ANKIB1: variants seen among roughly 807,000 people sequenced by gnomAD.
The protein encoded by ANKIB1 is ankyrin repeat and IBR domain-containing protein 1.
In ANKIB1, 43 loss-of-function variants were observed where a neutral mutation model predicts 122.1. That is an observed-to-expected ratio of 0.35 (90% CI 0.28 to 0.45). ANKIB1 has a LOEUF of 0.45. ANKIB1 is among the 20% of genes least tolerant of loss of function. The pLI, the probability that ANKIB1 is intolerant of heterozygous loss-of-function variation, is 1.00. For synonymous variants in ANKIB1, 390 were observed against 442.0 expected, an observed-to-expected ratio of 0.88 and a Z score of 1.48; for missense variants, 992 against 1,329.5, an observed-to-expected ratio of 0.75 and a Z score of 3.95.
At chr7:92,290,837 A>G (rs555509855) in intron 1 of ANKIB1, among the ~76,000 whole-genome samples, 2 of 152,246 alleles carry the variant, frequency 1.3e-5, no homozygotes, top group African/African-American at 4.8e-5. Context: ...AGCCATGGAG[A>G]TAGAAAGTAG....
intron 1 of ANKIB1, among the ~76,000 whole-genome samples, chr7:92,284,424 T>C (rs1802074474): frequency 6.6e-6 from 1 of 152,212 alleles, no homozygotes; most frequent in African/African-American, 2.4e-5. Context: ...TCAAGTCCAT[T>C]TTCTGAGTGA....
Position 92,371,459 on chromosome 7 carries a change from G to A in ANKIB1, c.1487-18G>A. ...CACTAAATCATTTATTTTTGTGATTGTGTTTAATATCCCAAAGTTGTGGGA... is the reference window on the plus strand; with the variant it reads ...CACTAAATCATTTATTTTTGTGATTATGTTTAATATCCCAAAGTTGTGGGA... On this transcript the variant is annotated intron_variant, in intron 10 of 19. Coordinates refer to ENST00000265742, the MANE Select transcript of ANKIB1 (RefSeq NM_019004.2). The A allele has an allele frequency of 3.8e-6, 6 of 1,593,084 alleles. 1 individual carries two copies. The African/African-American group carries it at 5.4e-5, about 14-fold the overall frequency.
At chr7:92,287,390 A>G (rs1802152526) in intron 1 of ANKIB1, among the ~76,000 whole-genome samples, 4 of 152,172 alleles carry the variant, frequency 2.6e-5, no homozygotes, top group Admixed American at 2.0e-4. Flanking sequence ...CTAGCCAGTT[A>G]TTTGTAGAAC....
At chr7:92,297,553 G>A (rs1267874424) in intron 2 of ANKIB1, among the ~76,000 whole-genome samples, 1 of 152,016 alleles carries the variant, frequency 6.6e-6, no homozygotes, top group Non-Finnish European at 1.5e-5. Flanking sequence ...ATGCTGCTAA[G>A]TTCACTAAGT....
In ANKIB1 at chr7:92,294,900, T is replaced by A; in HGVS notation, c.-79T>A. 1 of 972,134 alleles carries A rather than the reference T, an allele frequency of 1.0e-6. No individual in the cohort carries two copies. Among genetic ancestry groups the A allele is most frequent in the Non-Finnish European group, 1.5e-6 (1 of 683,562 alleles). The allele number at this position is 972,134 out of a possible 1,614,324, so 60.2% of individuals were successfully genotyped here. ...TTTTCCTTCATTAGAATGTGAAAGA[T>A]GTTGCAGAAGTGTTCCAGAAGTGGC... On this transcript the variant is annotated 5_prime_UTR_variant, in exon 2 of 20. It removes an upstream start codon present in the reference 5' UTR. Coordinates refer to ENST00000265742, the MANE Select transcript of ANKIB1 (RefSeq NM_019004.2).
intron 5 of ANKIB1, among the ~76,000 whole-genome samples, chr7:92,340,413 A>G (rs1011597212): frequency 6.6e-6 from 1 of 152,228 alleles, no homozygotes; most frequent in African/African-American, 2.4e-5. Flanking sequence ...AATCCAATTT[A>G]CAGTATTTGG....
intron 5 of ANKIB1, among the ~76,000 whole-genome samples, chr7:92,338,936 ATATATATATATATAT>A (rs1803366222): frequency 1.3e-4 from 3 of 22,448 alleles, no homozygotes; most frequent in South Asian, 1.6e-3. Flanking sequence ...AAAAAAAAAT[ATATATATATATATAT>A]ATATATATAT....
intron 2 of ANKIB1, among the ~76,000 whole-genome samples, chr7:92,297,324 A>AT (rs926568760): frequency 2.6e-5 from 4 of 152,196 alleles, no homozygotes; most frequent in Non-Finnish European, 5.9e-5. Flanking sequence ...CCTGTCACTT[A>AT]TTAGCAAAGC....
chr7:92,280,279 T>C (rs190342170), intron 1 of ANKIB1, among the ~76,000 whole-genome samples: 2 of 152,368 alleles, frequency 1.3e-5, no homozygotes, highest in Admixed American at 1.3e-4. Flanking sequence ...GAAAATTTCC[T>C]TTTTCCTTAT....
intron 17 of ANKIB1, among the ~76,000 whole-genome samples, chr7:92,394,670 G>A (rs1476987234): frequency 2.0e-5 from 3 of 152,092 alleles, no homozygotes; most frequent in Non-Finnish European, 4.4e-5. Context: ...AATCTAGTTG[G>A]TGTTCCTCAC....
intron 11 of ANKIB1, among the ~76,000 whole-genome samples, chr7:92,372,149 C>A (rs1804279768): frequency 6.6e-6 from 1 of 152,102 alleles, no homozygotes. Flanking sequence ...CTCTCTGTAT[C>A]CATGGGTTTC....
At chr7:92,332,165 A>G (rs752940338) in intron 5 of ANKIB1, among the ~76,000 whole-genome samples, 177 of 152,228 alleles carry the variant, frequency 1.2e-3, no homozygotes, top group Non-Finnish European at 2.0e-3. Flanking sequence ...TCAGGTTTTT[A>G]AGTGAGCATC....
intron 2 of ANKIB1, among the ~76,000 whole-genome samples, chr7:92,303,480 G>C (rs571103120): frequency 6.6e-6 from 1 of 152,236 alleles, no homozygotes; most frequent in East Asian, 1.9e-4. Flanking sequence ...AATTTACAAA[G>C]TGTATTCACC....
chr7:92,400,882 TA>T lies in ANKIB1; in HGVS notation c.*1938del, dbSNP rs1384298748. The T allele has an allele frequency of 6.6e-6, 1 of 152,228 alleles. No homozygotes were observed. Among genetic ancestry groups the T allele is most frequent in the Non-Finnish European group, 1.5e-5 (1 of 68,040 alleles). The allele number at this position is 152,228 out of a possible 1,614,324, so 9.4% of individuals were successfully genotyped here. ...ATTTTTTTATAAATTTATTTTGGAT[TA>T]AAAATATCAACACCAATAAGTTTTT... On this transcript the variant is annotated 3_prime_UTR_variant, in exon 20 of 20. Coordinates refer to ENST00000265742, the MANE Select transcript of ANKIB1 (RefSeq NM_019004.2).
intron 1 of ANKIB1, among the ~76,000 whole-genome samples, chr7:92,290,427 A>G (rs2131913771): frequency 6.6e-6 from 1 of 150,850 alleles, no homozygotes; most frequent in South Asian, 2.1e-4. Flanking sequence ...TGCCTGAATG[A>G]ACTTTCTGCT....
chr7:92,321,716 T>C (rs1802916933), intron 4 of ANKIB1, among the ~76,000 whole-genome samples: 1 of 152,236 alleles, frequency 6.6e-6, no homozygotes, highest in Non-Finnish European at 1.5e-5. Flanking sequence ...TGTTGTTTAT[T>C]TTCCCCATGG....
chr7:92,397,618 A>G lies in ANKIB1; in HGVS notation c.2396-105A>G. 3 of 1,265,740 alleles carry G rather than the reference A, an allele frequency of 2.4e-6. No homozygotes were observed. In the South Asian group the frequency reaches 3.9e-5, roughly 17 times the overall value. 78.4% of individuals were successfully genotyped at this position (1,265,740 alleles called of 1,614,324 possible). On this transcript the variant is annotated intron_variant, in intron 18 of 19. Transcript: ENST00000265742. ...GAACATGTCAACACAGGTTTTCCCCAGCACTGAAAGAGAAATTGCCCATCT... is the reference window on the plus strand; with the variant it reads ...GAACATGTCAACACAGGTTTTCCCCGGCACTGAAAGAGAAATTGCCCATCT...
rs1363144842 is a variant in ANKIB1 at position 92,257,840 on chromosome 7, A to G, written c.-91+11321A>G. Among the ~76,000 whole-genome samples the G allele has an allele frequency of 3.9e-5, 6 of 152,320 alleles. No individual in the cohort carries two copies. In the East Asian group the frequency reaches 1.2e-3, roughly 29 times the overall value. ...ATAAAGATTATTCTATCTTTCAACC[A>G]TTCTAACTCTTAAATCTGTTAAACC... On this transcript the variant is annotated intron_variant, in intron 1 of 19. Coordinates refer to ENST00000265742, the MANE Select transcript of ANKIB1 (RefSeq NM_019004.2).
chr7:92,338,977 T>C (rs367828041), intron 5 of ANKIB1, among the ~76,000 whole-genome samples: 1,456 of 119,302 alleles, frequency 0.012, 75 homozygotes, highest in African/African-American at 0.047. Flanking sequence ...TATATTTATA[T>C]GAATCTTCCT....
Sources: allele counts gnomAD v4.1 joint callset (sites outside exome capture counted in the v4.1 genomes callset), GRCh38; gene constraint gnomAD v4.1.1; transcripts MANE v1.5; gene names NCBI Gene and HGNC (gene_info 2026-07-23, HGNC 2026-07-21).